Variants in GDPD5 observed in about 807,000 individuals in gnomAD.
The protein encoded by GDPD5 is glycerophosphodiester phosphodiesterase domain containing 5.
A neutral mutation model predicts 75.1 loss-of-function variants in GDPD5; 48 were observed. The observed-to-expected ratio is 0.64, with a 90% CI of 0.51 to 0.81. The LOEUF (loss-of-function observed/expected upper bound fraction) is 0.81. Among genes scored for constraint, GDPD5 ranks in the 40% least tolerant of loss-of-function variants. The probability of loss-of-function intolerance (pLI) is 0.00; values close to 1 mark genes in which losing one functional copy is unlikely to be tolerated. For missense variants in GDPD5, 706 were observed against 822.6 expected (o/e 0.86, Z 1.73); for synonymous variants, 336 against 339.0 (o/e 0.99, Z 0.10).
At chr11:75,505,439 C>G (rs1950377129) in intron 1 of GDPD5, among the ~76,000 whole-genome samples, 1 of 152,158 alleles carries the variant, frequency 6.6e-6, no homozygotes, top group African/African-American at 2.4e-5. Context: ...ACTATGTGCT[C>G]CCAGGCCCAC....
At chr11:75,455,484 T>TGCCTCCCTGGATGCTCACAGGC (rs1949266492) in intron 6 of GDPD5, 1 of 411,414 alleles carries the variant, frequency 2.4e-6, no homozygotes, top group East Asian at 6.8e-5. Flanking sequence ...CCGGCCTCGG[T>TGCCTCCCTGGATGCTCACAGGC]GCCTCCCTGG....
intron 1 of GDPD5, among the ~76,000 whole-genome samples, chr11:75,493,193 A>C (rs950224884): frequency 3.3e-5 from 5 of 151,256 alleles, no homozygotes; most frequent in African/African-American, 1.2e-4. Context: ...CACCCCCCGA[A>C]CACCCTTAGA....
At chr11:75,513,781 G>C (rs527409483) in intron 1 of GDPD5, among the ~76,000 whole-genome samples, 1 of 152,314 alleles carries the variant, frequency 6.6e-6, no homozygotes, top group South Asian at 2.1e-4. Context: ...CCACAGAGCA[G>C]GGTTCCCCTG....
At chr11:75,520,919 G>A (rs1950741781) in intron 1 of GDPD5, among the ~76,000 whole-genome samples, 1 of 152,206 alleles carries the variant, frequency 6.6e-6, no homozygotes, top group Admixed American at 6.5e-5. Context: ...TGACCATGCT[G>A]CCTGCAGCTC....
intron 15 of GDPD5, 107 bp downstream of exon 15, chr11:75,439,771 TG>T: frequency 1.1e-6 from 1 of 894,522 alleles, no homozygotes; most frequent in Non-Finnish European, 1.9e-6. Flanking sequence ...TGGTCAGGCC[TG>T]CTCCTGGCTG....
chr11:75,453,859 T>C lies in GDPD5; in HGVS notation c.375+2898A>G, dbSNP rs77305879. Among the ~76,000 whole-genome samples the C allele has an allele frequency of 3.7e-4, 57 of 152,210 alleles. No individual in the cohort carries two copies. In the East Asian group the frequency reaches 7.1e-3, roughly 19 times the overall value. The stretch of plus-strand genomic sequence containing the variant: ...AAAAGAACAGAGTAAGATCACACTA[T>C]ACCCCAAAATAGCTTCCAAAAAGAG... On this transcript the variant is annotated intron_variant, in intron 6 of 16. Transcript: ENST00000336898.
chr11:75,520,416 C>T (rs529663539), intron 1 of GDPD5, among the ~76,000 whole-genome samples: 23 of 152,196 alleles, frequency 1.5e-4, no homozygotes, highest in Non-Finnish European at 2.9e-4. Context: ...GGGCAGCTTG[C>T]ACTGCCTCCC....
intron 4 of GDPD5, 46 bp downstream of exon 4, chr11:75,462,725 TCCCAGCTACTGGATA>T (rs1949440275): frequency 7.8e-7 from 1 of 1,281,430 alleles, no homozygotes; most frequent in Non-Finnish European, 1.1e-6. Flanking sequence ...AGCCCCCAGG[TCCCAGCTACTGGATA>T]CCCAGCTCTG....
At chr11:75,443,014 G>T in intron 11 of GDPD5, 122 bp downstream of exon 11, 1 of 1,138,742 alleles carries the variant, frequency 8.8e-7, no homozygotes, top group Non-Finnish European at 1.3e-6. Flanking sequence ...CAGCTTGGGT[G>T]GAGGTCGCGA....
At position 75,457,716 on chromosome 11, in the gene GDPD5, A is replaced by C; in HGVS notation, c.292T>G (p.Phe98Val). Reference protein sequence around the residue: ...VPILVTTAAAFAYIAGLLVLA... With the variant: ...VPILVTTAAAVAYIAGLLVLA... ...ACCAGGAGGCCAGCGATGTATGCGA[A>C]GGCAGCAGCTGTGGTCACAAGGATG... Residue 98 changes from phenylalanine (F) to valine (V), a missense_variant, in exon 5 of 17, where the codon TTC (phenylalanine) becomes GTC (valine). Physicochemically the swap from Phe to Val is conservative, Grantham distance 50. Transcript: ENST00000336898. 2 of 1,614,152 alleles carry C rather than the reference A, an allele frequency of 1.2e-6. No homozygotes were observed. Among genetic ancestry groups the C allele is most frequent in the African/African-American group, 1.3e-5 (1 of 75,060 alleles).
intron 1 of GDPD5, among the ~76,000 whole-genome samples, chr11:75,506,360 A>G (rs1283448729): frequency 6.6e-6 from 1 of 152,134 alleles, no homozygotes; most frequent in Admixed American, 6.5e-5. Context: ...AAAATTCATC[A>G]TCAGGTAAAC....
intron 3 of GDPD5, among the ~76,000 whole-genome samples, chr11:75,473,941 G>A (rs1471269711): frequency 6.6e-6 from 1 of 152,186 alleles, no homozygotes; most frequent in African/African-American, 2.4e-5. Context: ...ACAAGCCTGG[G>A]GGCCGGCCCT....
chr11:75,491,144 A>T (rs1295941692), intron 1 of GDPD5, among the ~76,000 whole-genome samples: 4 of 152,084 alleles, frequency 2.6e-5, no homozygotes, highest in Non-Finnish European at 5.9e-5. Flanking sequence ...ACACATAACC[A>T]AACACACACC....
chr11:75,487,306 A>ATTC (rs1313706955), intron 2 of GDPD5, among the ~76,000 whole-genome samples: 1 of 152,220 alleles, frequency 6.6e-6, no homozygotes, highest in East Asian at 1.9e-4. Context: ...AAAGCCCTAG[A>ATTC]TTCTAATGGA....
intron 9 of GDPD5, 94 bp downstream of exon 9, chr11:75,448,883 G>C (rs1949054400): frequency 3.6e-6 from 5 of 1,384,398 alleles, no homozygotes; most frequent in South Asian, 1.7e-5. Flanking sequence ...AGCTACAAAT[G>C]GTTGCTACCA....
intron 11 of GDPD5, 175 bp downstream of exon 11, chr11:75,442,961 C>A: frequency 1.4e-6 from 1 of 711,306 alleles, no homozygotes; most frequent in Admixed American, 2.2e-5. Flanking sequence ...CAGTGACAAC[C>A]ATGAGTCTGG....
rs1472824825 is a variant in GDPD5, at chr11:75,434,750, G to T, written c.*757C>A. On this transcript the variant is annotated 3_prime_UTR_variant, in exon 17 of 17. Transcript: ENST00000336898. The stretch of plus-strand genomic sequence containing the variant: ...TATCCAGAACACTTCTACCAGGTGG[G>T]CCCTGCCCTGTGGCCACTGATGTGG... The T allele has an allele frequency of 6.6e-6, 1 of 152,314 alleles. No individual in the cohort carries two copies. Among genetic ancestry groups the T allele is most frequent in the African/African-American group, 2.4e-5 (1 of 41,466 alleles). 9.4% of individuals were successfully genotyped at this position (152,314 alleles called of 1,614,324 possible). A position where few individuals can be genotyped will look rare whatever the true frequency, so the allele number is the denominator to read the frequency against.
chr11:75,440,819 A>G (rs1948775550), intron 14 of GDPD5, among the ~76,000 whole-genome samples: 1 of 152,088 alleles, frequency 6.6e-6, no homozygotes, highest in South Asian at 2.1e-4. Flanking sequence ...CTGCTTCCCA[A>G]AATGCTGGGA....
chr11:75,443,233 T>G lies in GDPD5; in HGVS notation c.851A>C (p.Asn284Thr), dbSNP rs374548603. Reference sequence around the variant, plus strand: ...CAGCTCCGGGAACTCCTCCTCCACGTTGGTGGTGCGCCGCAGGGTGGTGTC... The same window carrying G: ...CAGCTCCGGGAACTCCTCCTCCACGGTGGTGGTGCGCCGCAGGGTGGTGTC... ...MHDTTLRRTTNVEEEFPELAR... is the reference protein window; with the variant it reads ...MHDTTLRRTTTVEEEFPELAR... The change falls in exon 11 of 17, where the codon AAC becomes ACC. Residue 284 changes from asparagine to threonine, a missense_variant. By Grantham distance (65) the Asn-to-Thr change is moderately conservative (BLOSUM62 0). Coordinates refer to ENST00000336898, the MANE Select transcript of GDPD5 (RefSeq NM_030792.8). 6.2e-7 allele frequency: 1 copy of G among 1,609,052 alleles called. No homozygotes were observed. Among genetic ancestry groups the G allele is most frequent in the African/African-American group, 1.3e-5 (1 of 74,858 alleles).
Sources: gnomAD v4.1 joint callset for allele counts (sites outside exome capture counted in the v4.1 genomes callset) on GRCh38, gnomAD v4.1.1 for gene constraint, MANE v1.5 for transcripts, NCBI Gene and HGNC (gene_info 2026-07-23, HGNC 2026-07-21) for gene names.